NBAS: variants seen among roughly 807,000 people sequenced by gnomAD.
NBAS encodes the protein NAG/BC035112 fusion.
NBAS carries 219 observed loss-of-function variants against 302.5 expected under a neutral mutation model. The ratio of observed to expected loss-of-function variants is 0.72; its 90% CI spans 0.65 to 0.81. The LOEUF (loss-of-function observed/expected upper bound fraction) is 0.81, where lower values mean the gene tolerates loss of function less well. NBAS is among the 30% of genes least tolerant of loss of function. The pLI is 0.00. For missense variants in NBAS, 2,932 were observed against 2,841.6 expected (o/e 1.03, Z -0.72); for synonymous variants, 1,118 against 1,021.6 (o/e 1.09, Z -1.80).
In NBAS at chr2:15,497,042, G is replaced by GA. The variant is rs559749461; in HGVS notation, c.954+7102dup. 1.1e-3 allele frequency among the ~76,000 whole-genome samples: 172 copies of GA among 151,772 alleles called. 1 individual carries two copies. Among genetic ancestry groups the GA allele is most frequent in the African/African-American group, 3.5e-3 (145 of 41,424 alleles). On this transcript the variant is annotated intron_variant, in intron 11 of 51. Transcript: ENST00000281513. ...AAATAAGGTAAAACCATTCCCAATA[G>GA]AAAAAAAATGGAATCTACAAAGAAA...
the NBAS span, among the ~76,000 whole-genome samples, chr2:15,024,742 C>T: frequency 6.6e-6 from 1 of 152,072 alleles, no homozygotes; most frequent in Non-Finnish European, 1.5e-5. Flanking sequence ...TTTTAAAATG[C>T]TTTTTGGTTG....
the NBAS span, among the ~76,000 whole-genome samples, chr2:14,855,110 A>G: frequency 6.6e-6 from 1 of 152,034 alleles, no homozygotes; most frequent in African/African-American, 2.4e-5. Context: ...CACTGGTCAG[A>G]GTTGTGAGGC....
At chr2:15,184,298 G>T (rs1382541050) in intron 50 of NBAS, among the ~76,000 whole-genome samples, 2 of 152,088 alleles carry the variant, frequency 1.3e-5, no homozygotes, top group Non-Finnish European at 2.9e-5. Context: ...ACCCCATGGA[G>T]GGGATAGTTT....
intron 9 of NBAS, among the ~76,000 whole-genome samples, chr2:15,512,119 CAT>C (rs1414158143): frequency 5.9e-5 from 9 of 152,066 alleles, no homozygotes; most frequent in Non-Finnish European, 1.0e-4. Flanking sequence ...TGGCCATACT[CAT>C]AGAAAAACCA....
chr2:14,860,597 A>T, the NBAS span, among the ~76,000 whole-genome samples: 18 of 152,310 alleles, frequency 1.2e-4, no homozygotes, highest in African/African-American at 4.1e-4. Context: ...GACAAATCCC[A>T]CATGTTCTCA....
At chr2:15,364,477 G>A (rs1409664063) in intron 32 of NBAS, among the ~76,000 whole-genome samples, 1 of 152,142 alleles carries the variant, frequency 6.6e-6, no homozygotes, top group Non-Finnish European at 1.5e-5. Flanking sequence ...GTTGTAGTGA[G>A]CCAAGATGGC....
At chr2:15,364,921 T>C (rs953848650) in intron 32 of NBAS, among the ~76,000 whole-genome samples, 1 of 152,096 alleles carries the variant, frequency 6.6e-6, no homozygotes, top group African/African-American at 2.4e-5. Flanking sequence ...TTTTGGATGG[T>C]TCGTAAAGCA....
rs1267827731 is a variant in NBAS, at chr2:15,559,897, C to T, written c.118-1263G>A. On this transcript the variant is annotated intron_variant, in intron 1 of 51. Transcript: ENST00000281513. ...AACCAGCTGCCTCAGCAACAGCTTC[C>T]TAGCTGCATAACCCAAAAAATATTC... Among the ~76,000 whole-genome samples the T allele has an allele frequency of 2.0e-5, 3 of 152,194 alleles. No homozygotes were observed. The East Asian group carries it at 5.8e-4, about 29-fold the overall frequency.
the NBAS span, among the ~76,000 whole-genome samples, chr2:15,075,762 C>CACAG: frequency 6.7e-6 from 1 of 149,930 alleles, no homozygotes; most frequent in African/African-American, 2.4e-5. Context: ...AAAATTTATA[C>CACAG]ACACACACAC....
chr2:14,869,105 T>G, the NBAS span, among the ~76,000 whole-genome samples: 1 of 152,062 alleles, frequency 6.6e-6, no homozygotes, highest in Non-Finnish European at 1.5e-5. Flanking sequence ...AGACAGAAAA[T>G]GAAATAAATA....
chr2:14,986,930 T>C, the NBAS span, among the ~76,000 whole-genome samples: 1 of 152,202 alleles, frequency 6.6e-6, no homozygotes, highest in Admixed American at 6.5e-5. Context: ...TTTTATTTTT[T>C]TAATTATAAA....
the NBAS span, among the ~76,000 whole-genome samples, chr2:15,079,012 T>C: frequency 6.6e-6 from 1 of 151,974 alleles, no homozygotes; most frequent in African/African-American, 2.4e-5. Context: ...GAAAACTGAG[T>C]GAAGGTCATC....
chr2:15,010,400 AAC>A, the NBAS span, among the ~76,000 whole-genome samples: 1 of 152,124 alleles, frequency 6.6e-6, no homozygotes, highest in Non-Finnish European at 1.5e-5. Context: ...GTGTGAGAAA[AAC>A]ACACACATCA....
chr2:15,374,738 A>T lies in NBAS; in HGVS notation c.3591-18T>A. On this transcript the variant is annotated intron_variant, in intron 30 of 51. Coordinates refer to ENST00000281513, the MANE Select transcript of NBAS (RefSeq NM_015909.4). ...AGCAGCACCTAGAAGAAATTAGATAAATTTTTAAAAAGAAGCAACATATGT... is the reference window on the plus strand; with the variant it reads ...AGCAGCACCTAGAAGAAATTAGATATATTTTTAAAAAGAAGCAACATATGT... 6.3e-7 allele frequency: 1 copy of T among 1,599,064 alleles called. No individual in the cohort carries two copies. The highest frequency in any genetic ancestry group is 8.6e-7 in the Non-Finnish European group (1 of 1,166,604).
the NBAS span, among the ~76,000 whole-genome samples, chr2:14,869,929 T>G: frequency 1.3e-5 from 2 of 152,202 alleles, no homozygotes; most frequent in Non-Finnish European, 2.9e-5. Flanking sequence ...TCAACACTGA[T>G]GAGTGGTAGA....
At chr2:15,288,538 G>T (rs1256081184) in intron 41 of NBAS, among the ~76,000 whole-genome samples, 1 of 152,176 alleles carries the variant, frequency 6.6e-6, no homozygotes, top group African/African-American at 2.4e-5. Context: ...CATTCTCCAG[G>T]CAATGAAGAG....
chr2:15,424,961 C>A lies in NBAS; in HGVS notation c.2424-493G>T, dbSNP rs116722425. 6.6e-3 allele frequency among the ~76,000 whole-genome samples: 1,011 copies of A among 152,148 alleles called. 10 individuals are homozygous for A. Among genetic ancestry groups the A allele is most frequent in the African/African-American group, 0.022 (921 of 41,498 alleles). Reference sequence around the variant, plus strand: ...ACACCTTATTTATGTTGATAATATACCTCTACTAGGTGCCAGCAATTTAGT... The same window carrying A: ...ACACCTTATTTATGTTGATAATATAACTCTACTAGGTGCCAGCAATTTAGT... On this transcript the variant is annotated intron_variant, in intron 22 of 51. Transcript: ENST00000281513.
the NBAS span, among the ~76,000 whole-genome samples, chr2:14,909,366 TAAAAAAA>T: frequency 0.012 from 955 of 78,568 alleles, 46 homozygotes; most frequent in African/African-American, 0.05. Flanking sequence ...GGAGAGTTTC[TAAAAAAA>T]AAAAAAAAAA....
chr2:14,797,111 A>G, the NBAS span, among the ~76,000 whole-genome samples: 1 of 149,604 alleles, frequency 6.7e-6, no homozygotes, highest in African/African-American at 2.5e-5. Context: ...AAAAAAAAAA[A>G]AAACCAAAAA....
Sources: allele counts gnomAD v4.1 joint callset (sites outside exome capture counted in the v4.1 genomes callset), GRCh38; gene constraint gnomAD v4.1.1; transcripts MANE v1.5; gene names NCBI Gene and HGNC (gene_info 2026-07-23, HGNC 2026-07-21).